IMMP2L: variants seen among roughly 807,000 people sequenced by gnomAD.
IMMP2L encodes inner mitochondrial membrane peptidase subunit 2.
Under a neutral mutation model 19.3 loss-of-function variants are expected in IMMP2L, and 18 were observed. The observed-to-expected ratio is 0.93, with a 90% CI of 0.64 to 1.38. The LOEUF is 1.38. Ranked by LOEUF, IMMP2L falls within the 40% of genes most tolerant of loss-of-function variation. The pLI, the probability that IMMP2L is intolerant of heterozygous loss-of-function variation, is 0.00. For synonymous variants in IMMP2L, 76 were observed against 73.0 expected, an observed-to-expected ratio of 1.04 and a Z score of -0.21; for missense variants, 233 against 218.2, an observed-to-expected ratio of 1.07 and a Z score of -0.43.
At chr7:111,239,896 C>T (rs916484611) in intron 3 of IMMP2L, among the ~76,000 whole-genome samples, 1 of 151,790 alleles carries the variant, frequency 6.6e-6, no homozygotes, top group Non-Finnish European at 1.5e-5. Context: ...TTTAAAAGGT[C>T]TTGTTTTAAA....
chr7:110,983,034 T>C (rs1252707392), intron 3 of IMMP2L, among the ~76,000 whole-genome samples: 1 of 152,092 alleles, frequency 6.6e-6, no homozygotes, highest in South Asian at 2.1e-4. Flanking sequence ...ATCCCACTTA[T>C]AATTTTTATT....
intron 3 of IMMP2L, among the ~76,000 whole-genome samples, chr7:111,006,675 T>C (rs1196212553): frequency 6.6e-6 from 1 of 152,136 alleles, no homozygotes; most frequent in East Asian, 1.9e-4. Context: ...AGGATCTCAG[T>C]ATCTGATTGT....
Position 111,344,643 on chromosome 7 carries a change from A to C in IMMP2L, c.239+142595T>G, listed in dbSNP as rs569650987. ...ATTTTGATGTGAACACAAGGTTCTTATTTTCTCTAAATTTCACCTTCAACA... is the reference window on the plus strand; with the variant it reads ...ATTTTGATGTGAACACAAGGTTCTTCTTTTCTCTAAATTTCACCTTCAACA... On this transcript the variant is annotated intron_variant, in intron 3 of 5. Transcript: ENST00000405709. Among the ~76,000 whole-genome samples, 5 of 152,250 alleles carry C rather than the reference A, an allele frequency of 3.3e-5. No homozygotes were observed. In the East Asian group the frequency reaches 9.6e-4, roughly 29 times the overall value.
intron 3 of IMMP2L, among the ~76,000 whole-genome samples, chr7:111,266,753 A>C (rs1734791469): frequency 6.6e-6 from 1 of 152,150 alleles, no homozygotes; most frequent in African/African-American, 2.4e-5. Context: ...CAGACATGTG[A>C]AATTGCCACA....
chr7:110,965,102 A>G (rs952091583), intron 3 of IMMP2L, among the ~76,000 whole-genome samples: 13 of 152,052 alleles, frequency 8.5e-5, no homozygotes, highest in Non-Finnish European at 1.5e-5. Flanking sequence ...GTCATGTAGC[A>G]ATGGGTAACT....
intron 3 of IMMP2L, among the ~76,000 whole-genome samples, chr7:111,407,645 T>C (rs752964177): frequency 4.6e-5 from 7 of 151,758 alleles, no homozygotes; most frequent in Non-Finnish European, 8.8e-5. Context: ...TGCCTGGAGG[T>C]AGGGGTAAGA....
intron 3 of IMMP2L, among the ~76,000 whole-genome samples, chr7:111,077,177 T>G (rs1246659055): frequency 6.6e-6 from 1 of 152,242 alleles, no homozygotes; most frequent in Non-Finnish European, 1.5e-5. Flanking sequence ...GACTACTTCT[T>G]GGAATTTCTT....
intron 5 of IMMP2L, among the ~76,000 whole-genome samples, chr7:110,775,517 G>A (rs1206897740): frequency 1.3e-5 from 2 of 151,916 alleles, no homozygotes; most frequent in Admixed American, 1.3e-4. Context: ...AGCAGCCCAT[G>A]GAGGTTTTAT....
Position 111,162,283 on chromosome 7 carries a change from C to G in IMMP2L, c.240-198718G>C, listed in dbSNP as rs1805351126. On this transcript the variant is annotated intron_variant, in intron 3 of 5. Coordinates refer to ENST00000405709, the MANE Select transcript of IMMP2L (RefSeq NM_032549.4). ...TCCAAGACATGAAATTTAAAAGAAT[C>G]TTGAAGAAATTTATTAAACACTGAA... Among the ~76,000 whole-genome samples, 3 of 152,030 alleles carry G rather than the reference C, an allele frequency of 2.0e-5. 1 individual carries two copies. The South Asian group carries it at 6.2e-4, about 32-fold the overall frequency.
chr7:111,496,162 T>A (rs1231336550), intron 2 of IMMP2L, among the ~76,000 whole-genome samples: 2 of 152,178 alleles, frequency 1.3e-5, no homozygotes, highest in Non-Finnish European at 2.9e-5. Context: ...TTTGAAAGAA[T>A]GCGGACAATA....
At chr7:110,897,919 T>C (rs545332152) in intron 4 of IMMP2L, among the ~76,000 whole-genome samples, 1 of 151,870 alleles carries the variant, frequency 6.6e-6, no homozygotes, top group South Asian at 2.1e-4. Context: ...TACCCTAGTA[T>C]AAAGAAAATT....
At chr7:111,550,354 T>C (rs1012063805) in intron 1 of IMMP2L, among the ~76,000 whole-genome samples, 1 of 152,166 alleles carries the variant, frequency 6.6e-6, no homozygotes, top group African/African-American at 2.4e-5. Context: ...GAAAATACTC[T>C]GTATACTATA....
At chr7:111,250,583 A>G (rs529786048) in intron 3 of IMMP2L, among the ~76,000 whole-genome samples, 68 of 152,166 alleles carry the variant, frequency 4.5e-4, no homozygotes, top group African/African-American at 1.6e-3. Flanking sequence ...AGAATAGGGA[A>G]CTCACAAATA....
chr7:111,530,071 A>G (rs1234707052), intron 1 of IMMP2L, among the ~76,000 whole-genome samples: 1 of 152,184 alleles, frequency 6.6e-6, no homozygotes, highest in African/African-American at 2.4e-5. Context: ...CAAAGAGGGA[A>G]AGTCAGTGAA....
At chr7:111,113,661 C>T (rs1293374019) in intron 3 of IMMP2L, among the ~76,000 whole-genome samples, 3 of 151,502 alleles carry the variant, frequency 2.0e-5, no homozygotes, top group Non-Finnish European at 4.4e-5. Context: ...TGGATAATTA[C>T]CCCAAATGTT....
chr7:110,993,477 T>C (rs775244074), intron 3 of IMMP2L, among the ~76,000 whole-genome samples: 17 of 152,110 alleles, frequency 1.1e-4, no homozygotes, highest in African/African-American at 4.8e-5. Context: ...GGATTTCTTC[T>C]ATGTAGTTGC....
At chr7:111,412,875 G>A (rs997009199) in intron 3 of IMMP2L, among the ~76,000 whole-genome samples, 3 of 151,072 alleles carry the variant, frequency 2.0e-5, no homozygotes. Context: ...AAAAAGAAAA[G>A]CAAATTAAAA....
At chr7:111,003,893 A>C (rs945008949) in intron 3 of IMMP2L, among the ~76,000 whole-genome samples, 1 of 152,192 alleles carries the variant, frequency 6.6e-6, no homozygotes, top group Admixed American at 6.6e-5. Context: ...AGGATATTTC[A>C]CTTAAAACAA....
At chr7:111,284,546 G>T (rs1028101666) in intron 3 of IMMP2L, among the ~76,000 whole-genome samples, 1 of 152,128 alleles carries the variant, frequency 6.6e-6, no homozygotes, top group African/African-American at 2.4e-5. Flanking sequence ...AGGAATGTTT[G>T]GGAAAACCGT....
Sources: gnomAD v4.1 joint callset for allele counts (sites outside exome capture counted in the v4.1 genomes callset) on GRCh38, gnomAD v4.1.1 for gene constraint, MANE v1.5 for transcripts, NCBI Gene and HGNC (gene_info 2026-07-23, HGNC 2026-07-21) for gene names.